Variants in MTMR2 observed in about 807,000 individuals in gnomAD.
MTMR2 encodes the protein phosphatidylinositol-3,5-bisphosphate 3-phosphatase MTMR2.
MTMR2 carries 55 observed loss-of-function variants against 86.9 expected under a neutral mutation model. That is an observed-to-expected ratio of 0.63 (90% CI 0.51 to 0.79). The LOEUF (loss-of-function observed/expected upper bound fraction) is 0.79, where lower values mean the gene tolerates loss of function less well. Among genes scored for constraint, MTMR2 ranks in the 30% least tolerant of loss-of-function variants. The probability of loss-of-function intolerance (pLI) is 0.00; values close to 1 mark genes in which losing one functional copy is unlikely to be tolerated. For missense variants in MTMR2, 659 were observed against 772.3 expected, an observed-to-expected ratio of 0.85 and a Z score of 1.74; for synonymous variants, 241 against 266.8, an observed-to-expected ratio of 0.90 and a Z score of 0.94.
At chr11:95,846,773 C>T (rs573025568) in intron 10 of MTMR2, among the ~76,000 whole-genome samples, 5 of 152,244 alleles carry the variant, frequency 3.3e-5, no homozygotes, top group East Asian at 3.9e-4. Context: ...TATATTTACA[C>T]ATCACATAAT....
intron 2 of MTMR2, 99 bp downstream of exon 2, chr11:95,888,057 C>T (rs1865574176): frequency 3.4e-6 from 3 of 879,380 alleles, no homozygotes; most frequent in Non-Finnish European, 3.6e-6. Context: ...TATGAGAATA[C>T]TCCATCAGTA....
intron 8 of MTMR2, among the ~76,000 whole-genome samples, 157 bp from the exon 9 acceptor site, chr11:95,850,019 A>G (rs1194497720): frequency 6.6e-6 from 1 of 152,170 alleles, no homozygotes; most frequent in Non-Finnish European, 1.5e-5. Flanking sequence ...CCTTTCCTTC[A>G]AGCCAATTCT....
intron 1 of MTMR2, among the ~76,000 whole-genome samples, chr11:95,920,062 T>C (rs1002451149): frequency 2.0e-5 from 3 of 152,158 alleles, no homozygotes; most frequent in Admixed American, 2.0e-4. Flanking sequence ...TGACCTACAG[T>C]ATTATTTTAC....
At chr11:95,863,982 G>A (rs529498595) in intron 3 of MTMR2, among the ~76,000 whole-genome samples, 40 of 152,278 alleles carry the variant, frequency 2.6e-4, no homozygotes, top group African/African-American at 9.4e-4. Flanking sequence ...AGTCTAGTAC[G>A]ACAACCAGAT....
chr11:95,924,036 G>T lies in MTMR2; in HGVS notation c.-82C>A. On this transcript the variant is annotated 5_prime_UTR_variant, in exon 1 of 15. Coordinates refer to ENST00000346299, the MANE Select transcript of MTMR2 (RefSeq NM_016156.6). ...GGAGAAGCGGAGGGCGGAGTGCTAC[G>T]GACCGGGGCCGCAGTCAGGCCAGCG... 6.6e-7 allele frequency: 1 copy of T among 1,519,756 alleles called. No homozygotes were observed. The highest frequency in any genetic ancestry group is 8.9e-7 in the Non-Finnish European group (1 of 1,120,366). 94.1% of individuals were successfully genotyped at this position (1,519,756 alleles called of 1,614,324 possible). A position where few individuals can be genotyped will look rare whatever the true frequency, so the allele number is the denominator to read the frequency against.
intron 1 of MTMR2, among the ~76,000 whole-genome samples, chr11:95,901,634 C>T (rs928321067): frequency 5.3e-5 from 8 of 152,146 alleles, no homozygotes; most frequent in African/African-American, 1.9e-4. Flanking sequence ...TTTTGACTAA[C>T]TCATATTGCT....
At chr11:95,843,103 ATG>A (rs1382258479) in intron 11 of MTMR2, among the ~76,000 whole-genome samples, 2 of 152,178 alleles carry the variant, frequency 1.3e-5, no homozygotes, top group Non-Finnish European at 2.9e-5. Context: ...AAAAGGTACA[ATG>A]TGAATTATCA....
At chr11:95,845,527 C>A (rs751552411) in intron 10 of MTMR2, among the ~76,000 whole-genome samples, 1 of 151,972 alleles carries the variant, frequency 6.6e-6, no homozygotes, top group East Asian at 1.9e-4. Context: ...CAATTGAAGC[C>A]TTGTTATGAT....
intron 12 of MTMR2, among the ~76,000 whole-genome samples, chr11:95,841,043 T>C (rs1285687983): frequency 1.3e-5 from 2 of 152,190 alleles, no homozygotes; most frequent in Admixed American, 6.5e-5. Context: ...CAGTCCCCTC[T>C]ACTCTTTCCA....
At chr11:95,898,304 T>C (rs964255005) in intron 1 of MTMR2, among the ~76,000 whole-genome samples, 2 of 151,894 alleles carry the variant, frequency 1.3e-5, no homozygotes, top group African/African-American at 4.8e-5. Context: ...TCTGATTCTA[T>C]ACATGATCAT....
At chr11:95,910,123 G>GCA (rs1425991694) in intron 1 of MTMR2, among the ~76,000 whole-genome samples, 3 of 129,090 alleles carry the variant, frequency 2.3e-5, no homozygotes, top group Non-Finnish European at 5.4e-5. Flanking sequence ...ACGCACGCAT[G>GCA]CACGCACACA....
chr11:95,876,887 A>T (rs1216194315), intron 2 of MTMR2, among the ~76,000 whole-genome samples: 1 of 152,024 alleles, frequency 6.6e-6, no homozygotes, highest in Non-Finnish European at 1.5e-5. Context: ...CACACACACA[A>T]TTAGGAAATT....
intron 7 of MTMR2, among the ~76,000 whole-genome samples, chr11:95,855,172 G>A (rs189355412): frequency 6.6e-6 from 1 of 152,152 alleles, no homozygotes; most frequent in Admixed American, 6.5e-5. Context: ...ACTACATACT[G>A]TATATGTCCT....
chr11:95,909,269 A>C (rs1049207073), intron 1 of MTMR2, among the ~76,000 whole-genome samples: 1 of 152,142 alleles, frequency 6.6e-6, no homozygotes, highest in Non-Finnish European at 1.5e-5. Flanking sequence ...GAATCAATAA[A>C]TAAGACAAAG....
At chr11:95,885,924 C>T (rs985084504) in intron 2 of MTMR2, among the ~76,000 whole-genome samples, 7 of 152,066 alleles carry the variant, frequency 4.6e-5, no homozygotes, top group African/African-American at 1.7e-4. Context: ...CTCACTTTAC[C>T]TCTGTGACCT....
At chr11:95,916,093 G>T (rs1188024720) in intron 1 of MTMR2, among the ~76,000 whole-genome samples, 1 of 152,086 alleles carries the variant, frequency 6.6e-6, no homozygotes, top group Non-Finnish European at 1.5e-5. Flanking sequence ...TTCTATTTTG[G>T]TCATCGCATT....
intron 2 of MTMR2, among the ~76,000 whole-genome samples, chr11:95,886,508 G>A (rs1422521346): frequency 6.6e-6 from 1 of 152,136 alleles, no homozygotes; most frequent in African/African-American, 2.4e-5. Context: ...TGACAGTGGA[G>A]AATCCTCCTT....
intron 1 of MTMR2, among the ~76,000 whole-genome samples, chr11:95,894,468 C>G (rs1865814268): frequency 6.6e-6 from 1 of 152,134 alleles, no homozygotes; most frequent in South Asian, 2.1e-4. Context: ...CATATTATCC[C>G]TCAAGTCAGG....
Position 95,888,250 on chromosome 11 carries a change from G to A in MTMR2, c.92C>T (p.Ser31Phe), listed in dbSNP as rs748872681. The change falls in exon 2 of 15, where the codon TCT (serine) becomes TTT (phenylalanine). Residue 31 changes from serine (S) to phenylalanine (F), a missense_variant. Physicochemically the swap from Ser to Phe is radical, Grantham distance 155 (BLOSUM62 -2). This residue lies in a region of MTMR2 where 79 missense variants were observed against 54.4 expected (regional missense o/e 1.45). Coordinates refer to ENST00000346299, the MANE Select transcript of MTMR2 (RefSeq NM_016156.6). ...SVDSLSSAST[S>F]HSENSVHTKS... ...TGTATGCACTGAATTCTCTGAATGA[G>A]AAGTGGAGGCACTACAAAATACAAA... 4.3e-6 allele frequency: 7 copies of A among 1,612,858 alleles called. No homozygotes were observed. The Admixed American group carries it at 5.0e-5, about 12-fold the overall frequency.
Sources: gnomAD v4.1 joint callset for allele counts (sites outside exome capture counted in the v4.1 genomes callset) on GRCh38, gnomAD v4.1.1 for gene constraint, gnomAD v4.1.1 regional missense constraint, MANE v1.5 for transcripts, NCBI Gene and HGNC (gene_info 2026-07-23, HGNC 2026-07-21) for gene names.